MYO6: variants seen among roughly 807,000 people sequenced by gnomAD.
The protein encoded by MYO6 is myosin VI, also known as unconventional myosin-VI.
MYO6 carries 74 observed loss-of-function variants against 178.7 expected under a neutral mutation model. The observed-to-expected ratio is 0.41, with a 90% CI of 0.34 to 0.50. The LOEUF (loss-of-function observed/expected upper bound fraction) is 0.50, where lower values mean the gene tolerates loss of function less well. MYO6 is among the 20% of genes least tolerant of loss of function. The pLI, the probability that MYO6 is intolerant of heterozygous loss-of-function variation, is 0.09. For synonymous variants in MYO6, 477 were observed against 504.6 expected (o/e 0.95, Z 0.73); for missense variants, 1,330 against 1,547.4 (o/e 0.86, Z 2.36).
chr6:75,770,401 G>T (rs1461670392), intron 1 of MYO6, among the ~76,000 whole-genome samples: 1 of 152,194 alleles, frequency 6.6e-6, no homozygotes, highest in Non-Finnish European at 1.5e-5. Flanking sequence ...CAGAAGTAAT[G>T]TTCTCATGTT....
chr6:75,913,490 T>C (rs1780916577), intron 33 of MYO6, among the ~76,000 whole-genome samples: 1 of 152,182 alleles, frequency 6.6e-6, no homozygotes, highest in Admixed American at 6.5e-5. Flanking sequence ...TATGGTTGTC[T>C]AAATGTTGTT....
chr6:75,894,955 A>G (rs1562296993), intron 28 of MYO6: 1 of 758,910 alleles, frequency 1.3e-6, no homozygotes, highest in Non-Finnish European at 2.0e-6. Flanking sequence ...GTAAAATAAT[A>G]TCCAGATTCT....
chr6:75,769,425 GA>G (rs1289033905), intron 1 of MYO6, among the ~76,000 whole-genome samples: 1 of 152,204 alleles, frequency 6.6e-6, no homozygotes, highest in African/African-American at 2.4e-5. Flanking sequence ...TCCCATTCCA[GA>G]AGGGAGGAAT....
At chr6:75,847,107 A>G (rs1774798283) in intron 10 of MYO6, among the ~76,000 whole-genome samples, 1 of 152,124 alleles carries the variant, frequency 6.6e-6, no homozygotes, top group African/African-American at 2.4e-5. Flanking sequence ...TTTTGATTAG[A>G]AACAGTTTTT....
chr6:75,909,491 T>A (rs1780597524), intron 32 of MYO6, among the ~76,000 whole-genome samples: 1 of 152,180 alleles, frequency 6.6e-6, no homozygotes, highest in South Asian at 2.1e-4. Context: ...GATTTTTTGA[T>A]TGGGATCCTG....
intron 1 of MYO6, among the ~76,000 whole-genome samples, chr6:75,774,270 G>A (rs1460439420): frequency 6.6e-6 from 1 of 151,962 alleles, no homozygotes; most frequent in Non-Finnish European, 1.5e-5. Flanking sequence ...ATTTTTCTAG[G>A]TGAATGTAAT....
At chr6:75,783,274 A>G (rs1767174843) in intron 1 of MYO6, among the ~76,000 whole-genome samples, 1 of 151,946 alleles carries the variant, frequency 6.6e-6, no homozygotes, top group Admixed American at 6.6e-5. Context: ...CTAAAGTTTT[A>G]GTTTTTCTAT....
intron 6 of MYO6, among the ~76,000 whole-genome samples, 170 bp downstream of exon 6, chr6:75,833,117 G>T (rs560627474): frequency 6.6e-6 from 1 of 152,226 alleles, no homozygotes; most frequent in East Asian, 1.9e-4. Context: ...CTCCCGAATG[G>T]CTGGGACTAT....
intron 1 of MYO6, among the ~76,000 whole-genome samples, chr6:75,751,572 A>G (rs1158288125): frequency 6.6e-6 from 1 of 152,204 alleles, no homozygotes; most frequent in Non-Finnish European, 1.5e-5. Context: ...AGTAGGGATT[A>G]TCTGAAATGG....
chr6:75,862,376 T>C (rs1776278756), intron 15 of MYO6, among the ~76,000 whole-genome samples: 4 of 152,232 alleles, frequency 2.6e-5, no homozygotes, highest in Non-Finnish European at 5.9e-5. Context: ...TAGTAGCTTT[T>C]CTAAAACCTA....
intron 1 of MYO6, among the ~76,000 whole-genome samples, chr6:75,753,913 T>C (rs185351606): frequency 2.0e-5 from 3 of 152,308 alleles, no homozygotes; most frequent in East Asian, 3.9e-4. Context: ...TCTTATTGAT[T>C]AGTGTAAGAA....
intron 1 of MYO6, among the ~76,000 whole-genome samples, chr6:75,788,265 G>T (rs1767877603): frequency 6.6e-6 from 1 of 152,056 alleles, no homozygotes; most frequent in Admixed American, 6.6e-5. Flanking sequence ...TTGGAAGGCT[G>T]AGGCATAAGA....
chr6:75,879,269 A>G (rs1777817914), intron 20 of MYO6, among the ~76,000 whole-genome samples: 1 of 151,824 alleles, frequency 6.6e-6, no homozygotes, highest in African/African-American at 2.4e-5. Context: ...GTTTTGATAC[A>G]GTGTCTCACT....
intron 22 of MYO6, among the ~76,000 whole-genome samples, chr6:75,880,742 C>T (rs990203858): frequency 6.6e-6 from 1 of 152,022 alleles, no homozygotes; most frequent in African/African-American, 2.4e-5. Context: ...CGTTATGTTA[C>T]CTTTAATTTA....
chr6:75,861,004 AT>A lies in MYO6; in HGVS notation c.1474-18del. 6.6e-7 allele frequency: 1 copy of A among 1,516,750 alleles called. No homozygotes were observed. Among genetic ancestry groups the A allele is most frequent in the Non-Finnish European group, 9.2e-7 (1 of 1,092,050 alleles). The allele number at this position is 1,516,750 out of a possible 1,614,324, so 94.0% of individuals were successfully genotyped here. The stretch of plus-strand genomic sequence containing the variant: ...GCTCAGTATTGCTGTATCTATGATT[AT>A]GATTATTTCATTTTTAGGAACAAGA... On this transcript the variant is annotated intron_variant, in intron 14 of 34. Transcript: ENST00000369977.
intron 25 of MYO6, among the ~76,000 whole-genome samples, chr6:75,888,457 A>G (rs1484887859): frequency 6.6e-6 from 1 of 151,992 alleles, no homozygotes; most frequent in East Asian, 1.9e-4. Flanking sequence ...TCCACCAAAA[A>G]TACAAAAAAT....
chr6:75,904,266 T>C (rs1358850886), intron 30 of MYO6, among the ~76,000 whole-genome samples: 5 of 150,494 alleles, frequency 3.3e-5, no homozygotes, highest in African/African-American at 9.7e-5. Flanking sequence ...TGAATCTGAA[T>C]GTTGGCCTGC....
intron 1 of MYO6, among the ~76,000 whole-genome samples, chr6:75,787,722 C>CTATA (rs1767771046): frequency 1.0e-4 from 3 of 29,094 alleles, no homozygotes; most frequent in Non-Finnish European, 1.3e-4. Context: ...CTCTCTCTCT[C>CTATA]TCTCTCTCTA....
At chr6:75,829,780 G>A (rs1772885062) in intron 4 of MYO6, among the ~76,000 whole-genome samples, 1 of 152,042 alleles carries the variant, frequency 6.6e-6, no homozygotes, top group South Asian at 2.1e-4. Context: ...AAAATTAAAA[G>A]CAAGCTTAAG....
Sources: allele counts gnomAD v4.1 joint callset (sites outside exome capture counted in the v4.1 genomes callset), GRCh38; gene constraint gnomAD v4.1.1; transcripts MANE v1.5; gene names NCBI Gene and HGNC (gene_info 2026-07-23, HGNC 2026-07-21).